IVNS1ABP: variants seen among roughly 807,000 people sequenced by gnomAD.
The protein encoded by IVNS1ABP is influenza virus NS1A-binding protein.
IVNS1ABP carries 25 observed loss-of-function variants against 78.9 expected under a neutral mutation model. The ratio of observed to expected loss-of-function variants is 0.32; its 90% CI spans 0.23 to 0.44. The LOEUF is 0.44. IVNS1ABP is among the 20% of genes least tolerant of loss of function. The pLI is 1.00. For synonymous variants in IVNS1ABP, 241 were observed against 259.7 expected (o/e 0.93, Z 0.69); for missense variants, 494 against 768.9 (o/e 0.64, Z 4.23).
chr1:185,306,347 C>T, intron 7 of IVNS1ABP: 3 of 659,928 alleles, frequency 4.5e-6, no homozygotes, highest in Non-Finnish European at 6.5e-6. Context: ...GTTTTCAATT[C>T]CCACCATTTC....
In IVNS1ABP at chr1:185,298,316, C is replaced by T. The variant is rs1665477475; in HGVS notation, c.1676-28G>A. 1 of 1,603,762 alleles carries T rather than the reference C, an allele frequency of 6.2e-7. No individual in the cohort carries two copies. The highest frequency in any genetic ancestry group is 1.7e-5 in the Admixed American group (1 of 59,250). On this transcript the variant is annotated intron_variant, in intron 14 of 14. Transcript: ENST00000367498. This position sits in a 1 kb window ranked among gnomAD's most constrained non-coding sequence, Gnocchi z 4.1. ...AAAAGAGAAATGAGATGGGGTAAAT[C>T]CAGAGATTAAAGTGTAATAAGGTAA...
At position 185,311,119 on chromosome 1, in the gene IVNS1ABP, T is replaced by C; in HGVS notation, c.-43A>G. On this transcript the variant is annotated 5_prime_UTR_variant, in exon 2 of 15. Coordinates refer to ENST00000367498, the MANE Select transcript of IVNS1ABP (RefSeq NM_006469.5). ...CCTACTCTGTTGGTGGCAAATGTAT[T>C]TCTGGGAACTCTTAAGTAATCCAAG... 2.7e-6 allele frequency: 1 copy of C among 372,094 alleles called. No individual in the cohort carries two copies. The highest frequency in any genetic ancestry group is 4.8e-6 in the Non-Finnish European group (1 of 208,904). The allele number at this position is 372,094 out of a possible 1,614,324, so 23.0% of individuals were successfully genotyped here. A position where few individuals can be genotyped will look rare whatever the true frequency, so the allele number is the denominator to read the frequency against.
chr1:185,301,222 A>C (rs1030387644), intron 9 of IVNS1ABP, 26 bp from the exon 10 acceptor site: 2 of 1,580,338 alleles, frequency 1.3e-6, no homozygotes, highest in African/African-American at 1.3e-5. Flanking sequence ...TTCCATGTTT[A>C]AGATGTAATT....
At position 185,300,547 on chromosome 1, in the gene IVNS1ABP, T is replaced by G; in HGVS notation, c.1132A>C (p.Arg378=). ...GKLIAAGGYN[R]EECLRTVECY... The stretch of plus-strand genomic sequence containing the variant: ...TCGACTGTTCGAAGACATTCCTCTC[T>G]GTTATAGCCACCTGGTAAAAAATAA... Residue 378 remains arginine (R), a synonymous_variant, in exon 11 of 15, where the codon AGA becomes CGA. Transcript: ENST00000367498. The G allele has an allele frequency of 6.2e-7, 1 of 1,612,774 alleles. No homozygotes were observed. Among genetic ancestry groups the G allele is most frequent in the Non-Finnish European group, 8.5e-7 (1 of 1,179,298 alleles).
chr1:185,308,000 A>G, intron 5 of IVNS1ABP: 1 of 1,549,976 alleles, frequency 6.5e-7, no homozygotes, highest in African/African-American at 1.4e-5. Context: ...TTGAATGCAG[A>G]CAGAAGTAGA....
At position 185,300,687 on chromosome 1, in the gene IVNS1ABP, T is replaced by C. The variant is rs1665568491; in HGVS notation, c.1121-129A>G. On this transcript the variant is annotated intron_variant, in intron 10 of 14. Transcript: ENST00000367498. ...TAAAACTTTTTAAGGATGCCTTAGT[T>C]GATCTTTTAACTAAGTGCTTGTAAT... is the stretch of plus-strand genomic sequence containing the variant. 4.1e-6 allele frequency: 4 copies of C among 975,134 alleles called. No homozygotes were observed. The Admixed American group carries it at 1.0e-4, about 25-fold the overall frequency. The allele number at this position is 975,134 out of a possible 1,614,324, so 60.4% of individuals were successfully genotyped here. A position where few individuals can be genotyped will look rare whatever the true frequency, so the allele number is the denominator to read the frequency against.
intron 8 of IVNS1ABP, among the ~76,000 whole-genome samples, chr1:185,303,648 T>TA (rs1048100462): frequency 6.6e-6 from 1 of 152,056 alleles, no homozygotes; most frequent in African/African-American, 2.4e-5. Context: ...TAGACATAAA[T>TA]AAAAAATCTA....
rs746487634 is a variant in IVNS1ABP, at chr1:185,299,767, T to C, written c.1618A>G (p.Thr540Ala). The C allele has an allele frequency of 3.1e-6, 5 of 1,613,598 alleles. No individual in the cohort carries two copies. In the African/African-American group the frequency reaches 6.7e-5, roughly 22 times the overall value. ...GCCACATTCATGGGTGCAATTAAAG[T>C]CCAGGTATTATTTTCAGGATTGTAT... ...ERYNPENNTW[T>A]LIAPMNVARR... The change falls in exon 14 of 15, where the codon ACT (threonine) becomes GCT (alanine). Residue 540 changes from threonine (T) to alanine (A), a missense_variant. Physicochemically the swap from Thr to Ala is moderately conservative, Grantham distance 58. Coordinates refer to ENST00000367498, the MANE Select transcript of IVNS1ABP (RefSeq NM_006469.5).
Position 185,317,097 on chromosome 1 carries a change from C to T in IVNS1ABP, c.-391G>A. On this transcript the variant is annotated 5_prime_UTR_variant, in exon 1 of 15. Coordinates refer to ENST00000367498, the MANE Select transcript of IVNS1ABP (RefSeq NM_006469.5). ...TCAAGTAGAAGGACGAGGGGCCAGT[C>T]CGTGGAGACTGAAAGGAAGGGGGAG... is the stretch of plus-strand genomic sequence containing the variant. 2.5e-6 allele frequency: 1 copy of T among 398,520 alleles called. No homozygotes were observed. The highest frequency in any genetic ancestry group is 4.4e-6 in the Non-Finnish European group (1 of 226,082). 24.7% of individuals were successfully genotyped at this position (398,520 alleles called of 1,614,324 possible).
chr1:185,314,824 A>G (rs1485484730), intron 1 of IVNS1ABP, among the ~76,000 whole-genome samples: 1 of 152,244 alleles, frequency 6.6e-6, no homozygotes, highest in African/African-American at 2.4e-5. Context: ...ACCAAAAAGC[A>G]TAACACAAAG....
Position 185,309,167 on chromosome 1 carries a change from A to G in IVNS1ABP, c.117T>C (p.Cys39=), listed in dbSNP as rs200712364. ...CTCTGTGTGCTAACATTTCATGGCC[A>G]CAGACCTGAAATTATGAAGAATTAT... The part of the protein sequence containing the change: ...GQFCDVRLQV[C]GHEMLAHRAV... Residue 39 remains cysteine (C), a synonymous_variant, in exon 4 of 15, where the codon TGT becomes TGC. Transcript: ENST00000367498. 3 of 1,579,336 alleles carry G rather than the reference A, an allele frequency of 1.9e-6. No individual in the cohort carries two copies. The East Asian group carries it at 6.8e-5, about 36-fold the overall frequency.
At chr1:185,301,775 A>G in intron 8 of IVNS1ABP, 1 of 398,060 alleles carries the variant, frequency 2.5e-6, no homozygotes, top group Non-Finnish European at 4.5e-6. Flanking sequence ...CGCCTACACA[A>G]TTAGCCTAGG....
chr1:185,310,983 A>G, intron 2 of IVNS1ABP, 112 bp downstream of exon 2: 2 of 254,694 alleles, frequency 7.9e-6, no homozygotes, highest in Non-Finnish European at 1.5e-5. Flanking sequence ...TCAAATGATT[A>G]CTGACTTCTC....
intron 9 of IVNS1ABP, 61 bp downstream of exon 9, chr1:185,301,373 G>T: frequency 1.3e-6 from 2 of 1,574,848 alleles, no homozygotes; most frequent in South Asian, 1.1e-5. Flanking sequence ...TATTAAATTG[G>T]CAACACTCCT....
chr1:185,315,957 T>C (rs947724271), intron 1 of IVNS1ABP, among the ~76,000 whole-genome samples: 4 of 152,170 alleles, frequency 2.6e-5, no homozygotes, highest in Non-Finnish European at 4.4e-5. Context: ...TGATTTCTCC[T>C]TGAAATGTCA....
rs1665701736 is a variant in IVNS1ABP at position 185,305,121 on chromosome 1, C to T, written c.765+415G>A. 6.6e-6 allele frequency among the ~76,000 whole-genome samples: 1 copy of T among 152,030 alleles called. No homozygotes were observed. The highest frequency in any genetic ancestry group is 6.6e-5 in the Admixed American group (1 of 15,244). ...TCTTAACTATACCATTTCTAATTTC[C>T]AGTAAGACAGCTCAGTAGTTAAGGT... On this transcript the variant is annotated intron_variant, in intron 8 of 14. Transcript: ENST00000367498. This position sits in a 1 kb window ranked among gnomAD's most constrained non-coding sequence, Gnocchi z 4.0.
chr1:185,298,304 G>C lies in IVNS1ABP; in HGVS notation c.1676-16C>G, dbSNP rs1172037322. 1.2e-6 allele frequency: 2 copies of C among 1,609,932 alleles called. No homozygotes were observed. Among genetic ancestry groups the C allele is most frequent in the African/African-American group, 2.7e-5 (2 of 74,754 alleles). ...AACAGTTTTCCTAAAAGAGAAATGA[G>C]ATGGGGTAAATCCAGAGATTAAAGT... is the stretch of plus-strand genomic sequence containing the variant. On this transcript the variant is annotated splice_polypyrimidine_tract_variant and intron_variant, in intron 14 of 14. Coordinates refer to ENST00000367498, the MANE Select transcript of IVNS1ABP (RefSeq NM_006469.5). This position sits in a 1 kb window ranked among gnomAD's most constrained non-coding sequence, Gnocchi z 4.1.
Position 185,305,866 on chromosome 1 carries a change from T to C in IVNS1ABP, c.658-223A>G. ...AATCAAATACAAAATCTTCCAATAC[T>C]GGCTGAAGAGTCGTTGGCTTGATTG... On this transcript the variant is annotated intron_variant, in intron 7 of 14. Transcript: ENST00000367498. The surrounding 1 kb of genome is among the most constrained non-coding windows in gnomAD (Gnocchi z 4.0). 1 of 490,146 alleles carries C rather than the reference T, an allele frequency of 2.0e-6. No homozygotes were observed. The allele number at this position is 490,146 out of a possible 1,614,324, so 30.4% of individuals were successfully genotyped here.
chr1:185,299,923 C>G (rs1436623124), intron 13 of IVNS1ABP, 40 bp from the exon 14 acceptor site: 1 of 1,612,546 alleles, frequency 6.2e-7, no homozygotes, highest in South Asian at 1.1e-5. Context: ...CTACATCTCC[C>G]AGACTCTAAG....
Sources: allele counts gnomAD v4.1 joint callset (sites outside exome capture counted in the v4.1 genomes callset), GRCh38; gene constraint gnomAD v4.1.1; non-coding constraint Gnocchi (gnomAD v3.1); transcripts MANE v1.5; gene names NCBI Gene and HGNC (gene_info 2026-07-23, HGNC 2026-07-21).